The following CALN1 variants were observed in gnomAD, a reference collection of about 807,000 sequenced individuals.
CALN1 encodes calneuron 1, also known as calcium-binding protein 8.
In CALN1, 17 loss-of-function variants were observed where a neutral mutation model predicts 30.6. The observed-to-expected ratio is 0.56, with a 90% confidence interval of 0.38 to 0.83. The LOEUF (loss-of-function observed/expected upper bound fraction) is 0.83, where lower values mean the gene tolerates loss of function less well. Among genes scored for constraint, CALN1 ranks in the 40% least tolerant of loss-of-function variants. The pLI, the probability that CALN1 is intolerant of heterozygous loss-of-function variation, is 0.00. For synonymous variants in CALN1, 156 were observed against 131.4 expected (o/e 1.19, Z -1.28); for missense variants, 291 against 354.9 (o/e 0.82, Z 1.45).
chr7:72,438,692 A>T (rs1309901207), intron 1 of CALN1, among the ~76,000 whole-genome samples: 2 of 150,626 alleles, frequency 1.3e-5, no homozygotes, highest in Non-Finnish European at 3.0e-5. Flanking sequence ...CTACTTTCTA[A>T]CTCCGAGGGA....
chr7:72,128,875 G>A (rs537439428), intron 3 of CALN1, among the ~76,000 whole-genome samples: 90 of 152,190 alleles, frequency 5.9e-4, no homozygotes, highest in African/African-American at 1.9e-3. Flanking sequence ...TCTGTCTCAA[G>A]ATAAATAAAA....
chr7:71,951,672 C>T (rs1046394702), intron 5 of CALN1, among the ~76,000 whole-genome samples: 1 of 152,202 alleles, frequency 6.6e-6, no homozygotes, highest in African/African-American at 2.4e-5. Context: ...TCTGCAAGAA[C>T]TCAGTGAGGA....
intron 3 of CALN1, among the ~76,000 whole-genome samples, chr7:72,193,601 A>C (rs1241338580): frequency 6.6e-6 from 1 of 152,206 alleles, no homozygotes; most frequent in African/African-American, 2.4e-5. Flanking sequence ...TAGACGGTAT[A>C]TGTTATTGCT....
Position 72,148,972 on chromosome 7 carries a change from G to A in CALN1, c.245-42678C>T, listed in dbSNP as rs189178582. ...AGGAAGGAAAGAAGGAAGGGAGGGA[G>A]GGAGGGAGGGAGGAAGGAAGGAAAT... On this transcript the variant is annotated intron_variant, in intron 3 of 6. Coordinates refer to ENST00000395275, the MANE Select transcript of CALN1 (RefSeq NM_031468.4). Among the ~76,000 whole-genome samples the A allele has an allele frequency of 1.1e-4, 17 of 150,320 alleles. No homozygotes were observed. In the East Asian group the frequency reaches 3.2e-3, roughly 28 times the overall value.
In CALN1 at chr7:71,810,368, G is replaced by A; in HGVS notation, c.626C>T (p.Thr209Ile). 6.2e-7 allele frequency: 1 copy of A among 1,614,082 alleles called. No homozygotes were observed. Reference sequence around the variant, plus strand: ...AAACTCTGTTTGGCAGTTCCCCGAGGTCTCATTCAGGCTCTCTTCCTCATT... The same window carrying A: ...AAACTCTGTTTGGCAGTTCCCCGAGATCTCATTCAGGCTCTCTTCCTCATT... ...IINEEESLNE[T>I]SGNCQTEFEG... Residue 209 changes from threonine to isoleucine, a missense_variant, in exon 6 of 7, where the codon ACC (threonine) becomes ATC (isoleucine). Coordinates refer to ENST00000395275, the MANE Select transcript of CALN1 (RefSeq NM_031468.4).
chr7:71,848,636 CATA>C (rs1329287156), intron 5 of CALN1, among the ~76,000 whole-genome samples: 3 of 152,082 alleles, frequency 2.0e-5, no homozygotes, highest in Non-Finnish European at 4.4e-5. Context: ...CATACACACA[CATA>C]ATATTACCTA....
At chr7:71,788,844 G>C (rs1460078717) in intron 6 of CALN1, among the ~76,000 whole-genome samples, 1 of 151,988 alleles carries the variant, frequency 6.6e-6, no homozygotes, top group Non-Finnish European at 1.5e-5. Flanking sequence ...TTTTTTAGTA[G>C]AGATGGGGTT....
At chr7:72,466,193 G>T in the CALN1 span, among the ~76,000 whole-genome samples, 1 of 152,092 alleles carries the variant, frequency 6.6e-6, no homozygotes, top group Non-Finnish European at 1.5e-5. Context: ...TCTATCACAG[G>T]GACCTGAACA....
intron 2 of CALN1, among the ~76,000 whole-genome samples, chr7:72,329,658 G>T (rs2129557955): frequency 6.6e-6 from 1 of 152,302 alleles, no homozygotes; most frequent in Middle Eastern, 3.4e-3. Flanking sequence ...GAGCTCATCA[G>T]TGAGACCTTT....
chr7:71,940,926 A>G (rs904177938), intron 5 of CALN1, among the ~76,000 whole-genome samples: 1 of 152,124 alleles, frequency 6.6e-6, no homozygotes, highest in Non-Finnish European at 1.5e-5. Context: ...GTTCTTTGTT[A>G]TAGAAGCTTA....
intron 3 of CALN1, among the ~76,000 whole-genome samples, chr7:72,266,442 G>A (rs1170638642): frequency 1.3e-5 from 2 of 152,292 alleles, no homozygotes; most frequent in Admixed American, 6.5e-5. Context: ...ACTGGAATCA[G>A]GTAACTGGTG....
chr7:71,834,338 C>A (rs753900194), intron 5 of CALN1, among the ~76,000 whole-genome samples: 3 of 102,022 alleles, frequency 2.9e-5, no homozygotes, highest in African/African-American at 4.0e-5. Flanking sequence ...AAGGTAATTA[C>A]GATCCACCCT....
At chr7:72,080,810 T>C (rs1458570810) in intron 4 of CALN1, among the ~76,000 whole-genome samples, 3 of 152,088 alleles carry the variant, frequency 2.0e-5, no homozygotes, top group Non-Finnish European at 4.4e-5. Context: ...ACCACTCTTT[T>C]ACTAGCCCAG....
chr7:72,112,924 G>A (rs976181524), intron 3 of CALN1, among the ~76,000 whole-genome samples: 3 of 152,148 alleles, frequency 2.0e-5, no homozygotes, highest in South Asian at 2.1e-4. Context: ...TTGGGGTTAC[G>A]CTTGAATCTT....
the CALN1 span, among the ~76,000 whole-genome samples, chr7:72,489,967 C>A: frequency 2.0e-5 from 3 of 152,242 alleles, no homozygotes; most frequent in Non-Finnish European, 2.9e-5. Context: ...CTAGCCAGGG[C>A]TCTCTAGACA....
chr7:72,262,682 T>A (rs2129552915), intron 3 of CALN1, among the ~76,000 whole-genome samples: 1 of 152,332 alleles, frequency 6.6e-6, no homozygotes, highest in Non-Finnish European at 1.5e-5. Flanking sequence ...AAGGACATGA[T>A]TTCACTTTTT....
intron 2 of CALN1, among the ~76,000 whole-genome samples, chr7:72,348,229 TTAAG>T (rs113315708): frequency 2.0e-5 from 3 of 152,298 alleles, no homozygotes; most frequent in African/African-American, 4.8e-5. Flanking sequence ...AATGTACAAA[TTAAG>T]TGTTTTCTGT....
At chr7:72,346,394 A>C (rs2129559041) in intron 2 of CALN1, among the ~76,000 whole-genome samples, 1 of 152,304 alleles carries the variant, frequency 6.6e-6, no homozygotes, top group South Asian at 2.1e-4. Context: ...TTCTGATTAA[A>C]ACACCTAACT....
At chr7:72,105,590 T>C (rs575415472) in intron 4 of CALN1, among the ~76,000 whole-genome samples, 5 of 151,036 alleles carry the variant, frequency 3.3e-5, no homozygotes, top group Non-Finnish European at 7.4e-5. Context: ...CTGTGTGACA[T>C]CTACAAAGCA....
Sources: gnomAD v4.1 joint callset for allele counts (sites outside exome capture counted in the v4.1 genomes callset) on GRCh38, gnomAD v4.1.1 for gene constraint, MANE v1.5 for transcripts, NCBI Gene and HGNC (gene_info 2026-07-23, HGNC 2026-07-21) for gene names.